ZSCAN25: variants seen among roughly 807,000 people sequenced by gnomAD.
The protein encoded by ZSCAN25 is zinc finger and SCAN domain containing 25, also known as zinc finger and SCAN domain-containing protein 25.
Under a neutral mutation model 38.7 loss-of-function variants are expected in ZSCAN25, and 27 were observed. That is an observed-to-expected ratio of 0.70 (90% confidence interval 0.51 to 0.96). The LOEUF (loss-of-function observed/expected upper bound fraction) is 0.96. Ranked by LOEUF, ZSCAN25 falls within the 40% of genes least tolerant of loss-of-function variation. The probability of loss-of-function intolerance (pLI) is 0.00; values close to 1 mark genes in which losing one functional copy is unlikely to be tolerated. For synonymous variants in ZSCAN25, 273 were observed against 277.7 expected (o/e 0.98, Z 0.17); for missense variants, 637 against 705.9 (o/e 0.90, Z 1.11).
the ZSCAN25 span, among the ~76,000 whole-genome samples, chr7:99,646,270 G>C: frequency 1.3e-5 from 2 of 152,108 alleles, no homozygotes; most frequent in African/African-American, 4.8e-5. Context: ...CTATGTTTTT[G>C]TGTCCTCTTC....
the ZSCAN25 span, chr7:99,670,950 T>G: frequency 6.6e-6 from 1 of 152,184 alleles, no homozygotes; most frequent in East Asian, 1.9e-4. Context: ...GTAGTGAAGT[T>G]TAGCTAGATA....
chr7:99,668,820 C>T, the ZSCAN25 span, among the ~76,000 whole-genome samples: 8,792 of 152,198 alleles, frequency 0.058, 526 homozygotes, highest in East Asian at 0.25. Context: ...TGGTGGTGTG[C>T]GACTTCCAGT....
At chr7:99,691,726 T>G in the ZSCAN25 span, among the ~76,000 whole-genome samples, 1 of 152,200 alleles carries the variant, frequency 6.6e-6, no homozygotes, top group Non-Finnish European at 1.5e-5. Flanking sequence ...CCCCTGCTTT[T>G]TTTTGCTTTC....
chr7:99,687,615 G>T, the ZSCAN25 span, among the ~76,000 whole-genome samples: 1 of 152,190 alleles, frequency 6.6e-6, no homozygotes, highest in Non-Finnish European at 1.5e-5. Context: ...TTATCCAGGA[G>T]AACTTCCCCA....
chr7:99,718,507 A>C, the ZSCAN25 span, among the ~76,000 whole-genome samples: 3,535 of 152,284 alleles, frequency 0.023, 141 homozygotes, highest in African/African-American at 0.08. Context: ...TTATGTTAAA[A>C]ATTCAGCAAA....
chr7:99,709,436 C>T, the ZSCAN25 span, among the ~76,000 whole-genome samples: 1 of 152,094 alleles, frequency 6.6e-6, no homozygotes, highest in Non-Finnish European at 1.5e-5. Flanking sequence ...TGCTCAATGG[C>T]CCACTAAGAT....
the ZSCAN25 span, chr7:99,720,248 A>G: frequency 6.3e-7 from 1 of 1,581,910 alleles, no homozygotes; most frequent in South Asian, 1.1e-5. Context: ...ATGAATATAT[A>G]AGAATTTTAA....
the ZSCAN25 span, among the ~76,000 whole-genome samples, chr7:99,708,597 G>A: frequency 2.6e-5 from 4 of 152,102 alleles, no homozygotes; most frequent in Non-Finnish European, 5.9e-5. Context: ...ATGGAAAGCA[G>A]TGTCATCACT....
chr7:99,712,236 G>A, the ZSCAN25 span, among the ~76,000 whole-genome samples: 1 of 152,158 alleles, frequency 6.6e-6, no homozygotes, highest in Non-Finnish European at 1.5e-5. Context: ...CGAAAGGAGT[G>A]TGAGAAATGT....
chr7:99,708,013 A>G, the ZSCAN25 span: 1 of 1,613,358 alleles, frequency 6.2e-7, no homozygotes, highest in Non-Finnish European at 8.5e-7. Flanking sequence ...AGTTAAAGAC[A>G]TAATACCTCT....
chr7:99,727,659 C>A, the ZSCAN25 span, among the ~76,000 whole-genome samples: 1 of 152,182 alleles, frequency 6.6e-6, no homozygotes, highest in Non-Finnish European at 1.5e-5. Context: ...TCACCACTCA[C>A]CAGCAAAGGC....
chr7:99,716,047 C>T, the ZSCAN25 span: 2 of 1,523,840 alleles, frequency 1.3e-6, no homozygotes, highest in South Asian at 1.2e-5. Context: ...GAGCATCTCC[C>T]ATCACACTCC....
the ZSCAN25 span, among the ~76,000 whole-genome samples, chr7:99,726,923 T>C: frequency 6.6e-6 from 1 of 152,246 alleles, no homozygotes; most frequent in Non-Finnish European, 1.5e-5. Context: ...GGCTGATCTC[T>C]GAAACCCCAA....
the ZSCAN25 span, chr7:99,662,745 G>A: frequency 7.1e-7 from 1 of 1,402,862 alleles, no homozygotes. This position sits in a 1 kb window ranked among gnomAD's most constrained non-coding sequence, Gnocchi z 4.3. Context: ...AATACTTCCT[G>A]CACATTTTCA....
At chr7:99,712,062 T>C in the ZSCAN25 span, among the ~76,000 whole-genome samples, 5,937 of 152,272 alleles carry the variant, frequency 0.039, 401 homozygotes, top group East Asian at 0.25. Context: ...TAAGCTCTTG[T>C]GATTGCAAGT....
At chr7:99,707,977 G>C in the ZSCAN25 span, 9 of 1,613,722 alleles carry the variant, frequency 5.6e-6, no homozygotes, top group Non-Finnish European at 7.6e-6. Context: ...TACTGAACCT[G>C]GTTCCATATT....
At chr7:99,648,980 C>G in the ZSCAN25 span, among the ~76,000 whole-genome samples, 1 of 152,278 alleles carries the variant, frequency 6.6e-6, no homozygotes, top group South Asian at 2.1e-4. Context: ...GGGAATTTCT[C>G]AAGTTGTACA....
chr7:99,708,053 G>A, the ZSCAN25 span: 1 of 1,599,182 alleles, frequency 6.3e-7, no homozygotes, highest in Non-Finnish European at 8.6e-7. Context: ...TTCTTACTTA[G>A]GGCCCACCCC....
the ZSCAN25 span, among the ~76,000 whole-genome samples, chr7:99,669,551 A>G: frequency 1.3e-5 from 2 of 152,334 alleles, no homozygotes; most frequent in African/African-American, 4.8e-5. Context: ...TTGTCTCACC[A>G]GACTATAGCC....
Sources: gnomAD v4.1 joint callset for allele counts (sites outside exome capture counted in the v4.1 genomes callset) on GRCh38, gnomAD v4.1.1 for gene constraint, Gnocchi (gnomAD v3.1) non-coding constraint, MANE v1.5 for transcripts, NCBI Gene and HGNC (gene_info 2026-07-23, HGNC 2026-07-21) for gene names.